The following BRPF1 variants were observed in gnomAD, a reference collection of about 807,000 sequenced individuals.
The protein encoded by BRPF1 is peregrin.
In BRPF1, 15 loss-of-function variants were observed where a neutral mutation model predicts 115.0. The ratio of observed to expected loss-of-function variants is 0.13; its 90% CI spans 0.09 to 0.20. The LOEUF (loss-of-function observed/expected upper bound fraction) is 0.20, where lower values mean the gene tolerates loss of function less well. Among genes scored for constraint, BRPF1 ranks in the 10% least tolerant of loss-of-function variants. The pLI is 1.00. For missense variants in BRPF1, 1,118 were observed against 1,638.3 expected, an observed-to-expected ratio of 0.68 and a Z score of 5.48; for synonymous variants, 647 against 619.8, an observed-to-expected ratio of 1.04 and a Z score of -0.65.
chr3:9,743,425 T>G lies in BRPF1; in HGVS notation c.2312-153T>G, dbSNP rs2077065258. The G allele has an allele frequency of 8.4e-7, 1 of 1,186,722 alleles. No individual in the cohort carries two copies. The highest frequency in any genetic ancestry group is 1.2e-6 in the Non-Finnish European group (1 of 850,834). The allele number at this position is 1,186,722 out of a possible 1,614,324, so 73.5% of individuals were successfully genotyped here. A position where few individuals can be genotyped will look rare whatever the true frequency, so the allele number is the denominator to read the frequency against. On this transcript the variant is annotated intron_variant, in intron 7 of 13. Transcript: ENST00000383829. The surrounding 1 kb of genome is among the most constrained non-coding windows in gnomAD (Gnocchi z 6.1). The stretch of plus-strand genomic sequence containing the variant: ...GCCAGACTGGGTGAATGGATAGCAG[T>G]GCCCGCCATTCCACATCTTGGTGCT...
chr3:9,745,243 T>C lies in BRPF1; in HGVS notation c.3068+88T>C, dbSNP rs560772249. On this transcript the variant is annotated intron_variant, in intron 10 of 13. Coordinates refer to ENST00000383829, the MANE Select transcript of BRPF1 (RefSeq NM_001003694.2). The surrounding 1 kb of genome is among the most constrained non-coding windows in gnomAD (Gnocchi z 5.1). ...GTAGGTTTCCCTGTTGGAAGTGGGG[T>C]GGCAGCCATCTCAGTCTAGATTAAG... 3.6e-4 allele frequency: 527 copies of C among 1,476,594 alleles called. 2 individuals carry two copies. The Middle Eastern group carries it at 5.5e-3, about 15-fold the overall frequency. The allele number at this position is 1,476,594 out of a possible 1,614,324, so 91.5% of individuals were successfully genotyped here.
chr3:9,740,758 T>C lies in BRPF1; in HGVS notation c.1560-21T>C, dbSNP rs1479567158. 3 of 1,611,892 alleles carry C rather than the reference T, an allele frequency of 1.9e-6. No homozygotes were observed. In the South Asian group the frequency reaches 3.3e-5, roughly 18 times the overall value. Reference sequence around the variant, plus strand: ...AGAATCAGGGCCCAACAAGTTTTACTCTTTGTTTCCTGCCTCCCAGGCTTA... The same window carrying C: ...AGAATCAGGGCCCAACAAGTTTTACCCTTTGTTTCCTGCCTCCCAGGCTTA... On this transcript the variant is annotated intron_variant, in intron 3 of 13. Transcript: ENST00000383829.
chr3:9,745,595 C>A lies in BRPF1; in HGVS notation c.3091C>A (p.Arg1031=), dbSNP rs772487324. ...RTSTTPSKQG[R]GKPSFSRGTF... is the part of the protein sequence containing the mutation. ...CAGCACAACGCCCTCAAAACAAGGC[C>A]GGGGCAAACCCTCCTTCTCTCGGGG... The change falls in exon 11 of 14, where the codon CGG becomes AGG. Residue 1031 remains arginine (R), a synonymous_variant. Coordinates refer to ENST00000383829, the MANE Select transcript of BRPF1 (RefSeq NM_001003694.2). The surrounding 1 kb of genome is among the most constrained non-coding windows in gnomAD (Gnocchi z 5.1). 2 of 1,614,126 alleles carry A rather than the reference C, an allele frequency of 1.2e-6. No homozygotes were observed. The highest frequency in any genetic ancestry group is 2.7e-5 in the African/African-American group (2 of 75,056).
rs756380787 is a variant in BRPF1, at chr3:9,746,320, C to T, written c.3345C>T (p.Pro1115=). The change falls in exon 13 of 14, where the codon CCC becomes CCT. Residue 1115 remains proline (P), a synonymous_variant. Transcript: ENST00000383829. The stretch of plus-strand genomic sequence containing the variant: ...CTCAGATCATTGATCCAAAGATGCC[C>T]CGAGAAGGTATGTTCCACCATGGGG... ...YPALIIDPKM[P]REGMFHHGVP... is the part of the protein sequence containing the mutation. The T allele has an allele frequency of 6.3e-7, 1 of 1,576,328 alleles. No homozygotes were observed. The highest frequency in any genetic ancestry group is 8.6e-7 in the Non-Finnish European group (1 of 1,156,654).
In BRPF1 at chr3:9,739,695, C is replaced by A. The variant is rs1324222801; in HGVS notation, c.1296C>A (p.Asn432Lys). ...KMEPVRETGA[N>K]GTSFSVRKTA... ...AGCCTGTGCGGGAGACAGGCGCCAA[C>A]GGCACCTCTTTCAGTGTCCGCAAGA... Residue 432 changes from asparagine (N) to lysine (K), a missense_variant, in exon 3 of 14, where the codon AAC becomes AAA. By Grantham distance (94) the Asn-to-Lys change is moderately conservative (BLOSUM62 0). This residue lies in a region of BRPF1 where 87 missense variants were observed against 93.4 expected (regional missense o/e 0.93). Transcript: ENST00000383829. 2 of 1,613,316 alleles carry A rather than the reference C, an allele frequency of 1.2e-6. No individual in the cohort carries two copies. Among genetic ancestry groups the A allele is most frequent in the Non-Finnish European group, 1.7e-6 (2 of 1,179,360 alleles).
Position 9,739,208 on chromosome 3 carries a change from T to C in BRPF1, c.809T>C (p.Val270Ala). ...SHNKGDPNAL[V>A]DEDAVCCICN... is the part of the protein sequence containing the mutation. The stretch of plus-strand genomic sequence containing the variant: ...AATAAAGGCGACCCTAATGCGCTAG[T>C]GGACGAGGATGCTGTTTGCTGTATC... Residue 270 changes from valine (V) to alanine (A), a missense_variant, in exon 3 of 14, where the codon GTG (valine) becomes GCG (alanine). Val to Ala is a moderately conservative substitution (Grantham distance 64). Coordinates refer to ENST00000383829, the MANE Select transcript of BRPF1 (RefSeq NM_001003694.2). The C allele has an allele frequency of 6.2e-7, 1 of 1,613,736 alleles. No homozygotes were observed. Among genetic ancestry groups the C allele is most frequent in the Non-Finnish European group, 8.5e-7 (1 of 1,179,682 alleles).
chr3:9,734,690 C>T lies in BRPF1; in HGVS notation c.550C>T (p.Leu184=), dbSNP rs2076911164. 2 of 1,614,198 alleles carry T rather than the reference C, an allele frequency of 1.2e-6. No individual in the cohort carries two copies. The highest frequency in any genetic ancestry group is 1.7e-6 in the Non-Finnish European group (2 of 1,180,044). ...PKLPEVVYRE[L]EQDTPDAPPR... is the part of the protein sequence containing the mutation. Reference sequence around the variant, plus strand: ...GCTGCCAGAGGTGGTCTATCGGGAGCTGGAACAGGACACCCCTGATGCCCC... The same window carrying T: ...GCTGCCAGAGGTGGTCTATCGGGAGTTGGAACAGGACACCCCTGATGCCCC... The change falls in exon 2 of 14, where the codon CTG becomes TTG. Residue 184 remains leucine, a synonymous_variant. Coordinates refer to ENST00000383829, the MANE Select transcript of BRPF1 (RefSeq NM_001003694.2). This position sits in a 1 kb window ranked among gnomAD's most constrained non-coding sequence, Gnocchi z 5.7.
At chr3:9,741,824 T>C (rs1388532657) in intron 5 of BRPF1, among the ~76,000 whole-genome samples, 4 of 152,088 alleles carry the variant, frequency 2.6e-5, no homozygotes, top group Non-Finnish European at 4.4e-5. Flanking sequence ...CTGGTGCTGG[T>C]AGTTCAAGAA....
rs755910579 is a variant in BRPF1, at chr3:9,745,671, C to T, written c.3167C>T (p.Ala1056Val). 6.2e-7 allele frequency: 1 copy of T among 1,614,236 alleles called. No homozygotes were observed. Among genetic ancestry groups the T allele is most frequent in the Admixed American group, 1.7e-5 (1 of 60,036 alleles). ...SEDTSGTENE[A>V]YSVGTGRGVG... is the part of the protein sequence containing the mutation. The stretch of plus-strand genomic sequence containing the variant: ...GATACCTCAGGCACTGAGAATGAGG[C>T]CTACTCCGTGGGCACTGGCCGCGGC... The change falls in exon 11 of 14, where the codon GCC becomes GTC. Residue 1056 changes from alanine (A) to valine (V), a missense_variant. Physicochemically the swap from Ala to Val is moderately conservative, Grantham distance 64. Coordinates refer to ENST00000383829, the MANE Select transcript of BRPF1 (RefSeq NM_001003694.2). The surrounding 1 kb of genome is among the most constrained non-coding windows in gnomAD (Gnocchi z 5.1).
chr3:9,744,871 G>C, intron 9 of BRPF1, 137 bp from the exon 10 acceptor site: 1 of 1,180,388 alleles, frequency 8.5e-7, no homozygotes, highest in South Asian at 1.3e-5. Context: ...CCCAGAGCTA[G>C]CTCTGCTGGC....
intron 6 of BRPF1, 129 bp from the exon 7 acceptor site, chr3:9,742,815 C>T (rs1056858189): frequency 2.9e-6 from 3 of 1,036,092 alleles, no homozygotes; most frequent in African/African-American, 3.2e-5. Flanking sequence ...TTCCCCTGTG[C>T]TATATGCCTG....
chr3:9,732,527 C>CT (rs1429088438), intron 1 of BRPF1: 2 of 152,340 alleles, frequency 1.3e-5, no homozygotes, highest in East Asian at 1.9e-4. Context: ...GCTTTCTGGT[C>CT]TAAGTTCTCG....
Position 9,734,653 on chromosome 3 carries a change from C to T in BRPF1, c.513C>T (p.Ser171=). The part of the protein sequence containing the change: ...NHHHHHNVSA[S]TTPKLPEVVY... ...ACCACCACCACAATGTTTCTGCGAG[C>T]ACCACTCCCAAGCTGCCAGAGGTGG... The change falls in exon 2 of 14, where the codon AGC becomes AGT. Residue 171 remains serine (S), a synonymous_variant. Transcript: ENST00000383829. This position sits in a 1 kb window ranked among gnomAD's most constrained non-coding sequence, Gnocchi z 5.7. The T allele has an allele frequency of 6.2e-7, 1 of 1,614,158 alleles. No homozygotes were observed. Among genetic ancestry groups the T allele is most frequent in the Non-Finnish European group, 8.5e-7 (1 of 1,180,034 alleles).
chr3:9,745,452 C>T lies in BRPF1; in HGVS notation c.3069-121C>T. On this transcript the variant is annotated intron_variant, in intron 10 of 13. Transcript: ENST00000383829. The surrounding 1 kb of genome is among the most constrained non-coding windows in gnomAD (Gnocchi z 5.1). ...GTGGGTGTTTGAATTTGAAATTCCT[C>T]ATATAGCCTCTGCTTTCCAAAAGTC... is the stretch of plus-strand genomic sequence containing the variant. 3 of 1,215,672 alleles carry T rather than the reference C, an allele frequency of 2.5e-6. No homozygotes were observed. Among genetic ancestry groups the T allele is most frequent in the Non-Finnish European group, 3.5e-6 (3 of 849,458 alleles). 75.3% of individuals were successfully genotyped at this position (1,215,672 alleles called of 1,614,324 possible). A position where few individuals can be genotyped will look rare whatever the true frequency, so the allele number is the denominator to read the frequency against.
intron 1 of BRPF1, chr3:9,733,164 G>C (rs2076883769): frequency 6.6e-6 from 1 of 152,194 alleles, no homozygotes; most frequent in African/African-American, 2.4e-5. Flanking sequence ...TTTTCACTTT[G>C]TTTCACAGTA....
chr3:9,734,368 C>T lies in BRPF1; in HGVS notation c.228C>T (p.Pro76=), dbSNP rs1411894599. Residue 76 remains proline, a synonymous_variant, in exon 2 of 14, where the codon CCC becomes CCT. Coordinates refer to ENST00000383829, the MANE Select transcript of BRPF1 (RefSeq NM_001003694.2). This position sits in a 1 kb window ranked among gnomAD's most constrained non-coding sequence, Gnocchi z 5.7. Reference sequence around the variant, plus strand: ...CACGCCCAGCCAACAAGCAGTCACCCAGCCCCTCAGAGGTCTCACAGTCAC... The same window carrying T: ...CACGCCCAGCCAACAAGCAGTCACCTAGCCCCTCAGAGGTCTCACAGTCAC... The part of the protein sequence containing the change: ...RQSRPANKQS[P]SPSEVSQSPG... The T allele has an allele frequency of 2.5e-5, 41 of 1,614,016 alleles. No homozygotes were observed. The highest frequency in any genetic ancestry group is 3.4e-5 in the Non-Finnish European group (40 of 1,180,040).
At chr3:9,741,171 C>G (rs1015709656) in intron 4 of BRPF1, 137 bp from the exon 5 acceptor site, 24 of 1,171,100 alleles carry the variant, frequency 2.0e-5, no homozygotes, top group African/African-American at 4.6e-5. Flanking sequence ...GCCTTGGGGA[C>G]ACACAGATTG....
rs1211177443 is a variant in BRPF1, at chr3:9,739,098, G to A, written c.699G>A (p.Lys233=). The stretch of plus-strand genomic sequence containing the variant: ...TGGATATCATGAATGAGCGTCGGAA[G>A]ACAGAGGGTGTAAGTCCCATCCCGC... The part of the protein sequence containing the change: ...IWLDIMNERR[K]TEGVSPIPQE... The change falls in exon 3 of 14, where the codon AAG becomes AAA. Residue 233 remains lysine (K), a synonymous_variant. Transcript: ENST00000383829. 2.5e-6 allele frequency: 4 copies of A among 1,613,768 alleles called. No homozygotes were observed. Among genetic ancestry groups the A allele is most frequent in the Middle Eastern group, 1.6e-4 (1 of 6,084 alleles).
At chr3:9,746,184 C>G (rs2077122532) in intron 12 of BRPF1, 116 bp from the exon 13 acceptor site, 2 of 1,314,162 alleles carry the variant, frequency 1.5e-6, no homozygotes, top group East Asian at 2.4e-5. Flanking sequence ...CATTGCAGTT[C>G]TAGTAGCATG....
Sources: gnomAD v4.1 joint callset for allele counts (sites outside exome capture counted in the v4.1 genomes callset) on GRCh38, gnomAD v4.1.1 for gene constraint, gnomAD v4.1.1 regional missense constraint, Gnocchi (gnomAD v3.1) non-coding constraint, MANE v1.5 for transcripts, NCBI Gene and HGNC (gene_info 2026-07-23, HGNC 2026-07-21) for gene names.